SRCAP: variants seen among roughly 807,000 people sequenced by gnomAD.
SRCAP encodes Snf2 related CREBBP activator protein.
In SRCAP, 46 loss-of-function variants were observed where a neutral mutation model predicts 263.1. The ratio of observed to expected loss-of-function variants is 0.17; its 90% CI spans 0.14 to 0.22. SRCAP has a LOEUF of 0.22. Ranked by LOEUF, SRCAP falls within the 10% of genes least tolerant of loss-of-function variation. SRCAP has a pLI of 1.00. For synonymous variants in SRCAP, 1,813 were observed against 1,662.1 expected (o/e 1.09, Z -2.21); for missense variants, 3,695 against 4,181.9 (o/e 0.88, Z 3.21).
rs149539909 is a variant in SRCAP at position 30,729,176 on chromosome 16, C to T, written c.5869C>T (p.Arg1957Trp). The change falls in exon 26 of 34, where the codon CGG (arginine) becomes TGG (tryptophan). Residue 1957 changes from arginine to tryptophan, a missense_variant. Physicochemically the swap from Arg to Trp is moderately radical, Grantham distance 101. Around this residue, in one of 12 missense-constraint regions of SRCAP, gnomAD observed 1,347 missense variants for 1,304.4 expected, o/e 1.03. Transcript: ENST00000262518. The stretch of plus-strand genomic sequence containing the variant: ...TTGGACTTATACCGAGGCTGCCCAC[C>T]GGGCTGTACTGTTTCCCCAGCAGCG... Reference protein sequence around the residue: ...TFWTYTEAAHRAVLFPQQRLD... With the variant: ...TFWTYTEAAHWAVLFPQQRLD... 6.8e-6 allele frequency: 11 copies of T among 1,613,796 alleles called. No homozygotes were observed. The highest frequency in any genetic ancestry group is 3.3e-4 in the Middle Eastern group (2 of 6,062).
At chr16:30,706,497 C>T (rs2052828786) in intron 4 of SRCAP, among the ~76,000 whole-genome samples, 1 of 152,066 alleles carries the variant, frequency 6.6e-6, no homozygotes, top group African/African-American at 2.4e-5. Flanking sequence ...TGAGTCGTCT[C>T]TGTCAAAAAA....
rs1227052351 is a variant in SRCAP at position 30,739,654 on chromosome 16, AGCGCATCCT to A, written c.9620_9628del (p.Ile3207_Arg3209del). ...GTTGGGACCACCAACCAAGGGGACC[AGCGCATCCT>A]GCGCAGCAGCGCCCCTCCCTCCCTG... On this transcript the variant is annotated inframe_deletion, in exon 34 of 34. Coordinates refer to ENST00000262518, the MANE Select transcript of SRCAP (RefSeq NM_006662.3). 6.3e-6 allele frequency: 10 copies of A among 1,587,772 alleles called. No individual in the cohort carries two copies. The highest frequency in any genetic ancestry group is 1.1e-5 in the South Asian group (1 of 88,286).
In SRCAP at chr16:30,740,047, A is replaced by T; in HGVS notation, c.*314A>T. 2 of 250,450 alleles carry T rather than the reference A, an allele frequency of 8.0e-6. No homozygotes were observed. The highest frequency in any genetic ancestry group is 7.5e-6 in the Non-Finnish European group (1 of 133,028). 15.5% of individuals were successfully genotyped at this position (250,450 alleles called of 1,614,324 possible). A position where few individuals can be genotyped will look rare whatever the true frequency, so the allele number is the denominator to read the frequency against. On this transcript the variant is annotated 3_prime_UTR_variant, in exon 34 of 34. Coordinates refer to ENST00000262518, the MANE Select transcript of SRCAP (RefSeq NM_006662.3). ...GCCCCCCACCCTTAGGGGAAGGGGGAGGGGCTTCTCTACAATGAGGTTTTT... is the reference window on the plus strand; with the variant it reads ...GCCCCCCACCCTTAGGGGAAGGGGGTGGGGCTTCTCTACAATGAGGTTTTT...
chr16:30,718,495 A>G (rs1426691943), intron 18 of SRCAP, among the ~76,000 whole-genome samples: 3 of 119,682 alleles, frequency 2.5e-5, no homozygotes, highest in African/African-American at 1.0e-4. Context: ...TTTTTTTAAG[A>G]TGGAGTCTTA....
Position 30,738,267 on chromosome 16 carries a change from G to A in SRCAP, c.8227G>A (p.Gly2743Ser). Residue 2743 changes from glycine (G) to serine (S), a missense_variant, in exon 34 of 34, where the codon GGC (glycine) becomes AGC (serine). Physicochemically the swap from Gly to Ser is moderately conservative, Grantham distance 56. Transcript: ENST00000262518. ...GACTGGTCGGCCAGGACAACCACCA[G>A]GCCCCAAAGTGCTTCGAAAGCTGCC... ...QGTGRPGQPP[G>S]PKVLRKLPGR... is the part of the protein sequence containing the mutation. The A allele has an allele frequency of 6.2e-7, 1 of 1,610,386 alleles. No homozygotes were observed. The highest frequency in any genetic ancestry group is 8.5e-7 in the Non-Finnish European group (1 of 1,177,580).
In SRCAP at chr16:30,739,130, T is replaced by A; in HGVS notation, c.9090T>A (p.Thr3030=). ...TCCCCGTCTTGGACCGTGACAGCAC[T>A]TCTGTTCTCGAGAGCTGTGGATTGG... ...SQLPVLDRDS[T]SVLESCGLGR... The change falls in exon 34 of 34, where the codon ACT becomes ACA. Residue 3030 remains threonine, a synonymous_variant. Coordinates refer to ENST00000262518, the MANE Select transcript of SRCAP (RefSeq NM_006662.3). 6.2e-7 allele frequency: 1 copy of A among 1,614,176 alleles called. No homozygotes were observed. The highest frequency in any genetic ancestry group is 8.5e-7 in the Non-Finnish European group (1 of 1,180,036).
At chr16:30,728,577 A>G (rs2053084155) in intron 25 of SRCAP, among the ~76,000 whole-genome samples, 1 of 152,190 alleles carries the variant, frequency 6.6e-6, no homozygotes, top group Non-Finnish European at 1.5e-5. Flanking sequence ...AGTGATTTGA[A>G]GAAGGCTATA....
chr16:30,712,852 T>C (rs1388112710), intron 14 of SRCAP, 37 bp downstream of exon 14: 2 of 1,607,928 alleles, frequency 1.2e-6, no homozygotes, highest in South Asian at 2.2e-5. Flanking sequence ...CTCCCATTGA[T>C]GCCTCCTTTA....
At position 30,733,271 on chromosome 16, in the gene SRCAP, T is replaced by A. The variant is rs552718284; in HGVS notation, c.6128-9T>A. 7 of 1,613,148 alleles carry A rather than the reference T, an allele frequency of 4.3e-6. No homozygotes were observed. In the East Asian group the frequency reaches 1.3e-4, roughly 31 times the overall value. On this transcript the variant is annotated splice_polypyrimidine_tract_variant and intron_variant, in intron 27 of 33. Coordinates refer to ENST00000262518, the MANE Select transcript of SRCAP (RefSeq NM_006662.3). This position sits in a 1 kb window ranked among gnomAD's most constrained non-coding sequence, Gnocchi z 5.3. ...AGCTAGCTCCCTGTATCCCTTCATA[T>A]CTCTTTAGGAAAGTTGCAGACGTTG...
chr16:30,741,282 T>C lies in SRCAP; in HGVS notation c.*1549T>C, dbSNP rs1205436909. ...TTTTCATGTAAAATGGCTGCTTTGC[T>C]TGAAACGGGTTGCAGTACCTAGGGT... is the stretch of plus-strand genomic sequence containing the variant. On this transcript the variant is annotated 3_prime_UTR_variant, in exon 34 of 34. Transcript: ENST00000262518. 2 of 153,404 alleles carry C rather than the reference T, an allele frequency of 1.3e-5. No homozygotes were observed. Among genetic ancestry groups the C allele is most frequent in the East Asian group, 3.8e-4 (2 of 5,224 alleles). The allele number at this position is 153,404 out of a possible 1,614,324, so 9.5% of individuals were successfully genotyped here.
At position 30,722,684 on chromosome 16, in the gene SRCAP, T is replaced by G; in HGVS notation, c.3828T>G (p.Pro1276=). 1 of 1,613,944 alleles carries G rather than the reference T, an allele frequency of 6.2e-7. No homozygotes were observed. Among genetic ancestry groups the G allele is most frequent in the Non-Finnish European group, 8.5e-7 (1 of 1,179,990 alleles). ...GCCCTACCCCTGTCTCTGTGCTGCC[T>G]TCTTCGACCCCCAGCACCACCCCTG... ...TPGPTPVSVL[P]SSTPSTTPAP... The change falls in exon 23 of 34, where the codon CCT becomes CCG. Residue 1276 remains proline (P), a synonymous_variant. Transcript: ENST00000262518.
At chr16:30,720,642 T>A in intron 19 of SRCAP, 71 bp from the exon 20 acceptor site, 1 of 1,462,166 alleles carries the variant, frequency 6.8e-7, no homozygotes, top group African/African-American at 1.4e-5. Context: ...TTTCATTTTC[T>A]TCTTTTCTTT....
chr16:30,721,583 T>C, intron 21 of SRCAP, 107 bp downstream of exon 21: 1 of 1,424,458 alleles, frequency 7.0e-7, no homozygotes, highest in South Asian at 1.4e-5. Context: ...GGCTCATGCC[T>C]ATAATCCCGG....
chr16:30,720,838 C>A lies in SRCAP; in HGVS notation c.3113C>A (p.Pro1038His), dbSNP rs1327292221. The change falls in exon 20 of 34, where the codon CCT becomes CAT. Residue 1038 changes from proline (P) to histidine (H), a missense_variant. Around this residue, in one of 12 missense-constraint regions of SRCAP, gnomAD observed 1,347 missense variants for 1,304.4 expected, o/e 1.03. Transcript: ENST00000262518. ...CCTGAGCTCTCAGCCCAGCCCACCC[C>A]TGGCCCAGTCCCCCAAGTGCTGCCA... ...PGPELSAQPT[P>H]GPVPQVLPAS... The A allele has an allele frequency of 6.2e-7, 1 of 1,614,058 alleles. No homozygotes were observed. The highest frequency in any genetic ancestry group is 8.5e-7 in the Non-Finnish European group (1 of 1,180,012).
In SRCAP at chr16:30,700,681, G is replaced by A. The variant is rs2052756214; in HGVS notation, c.-144G>A. 2 of 705,704 alleles carry A rather than the reference G, an allele frequency of 2.8e-6. No individual in the cohort carries two copies. Among genetic ancestry groups the A allele is most frequent in the East Asian group, 2.9e-5 (1 of 34,722 alleles). 43.7% of individuals were successfully genotyped at this position (705,704 alleles called of 1,614,324 possible). A position where few individuals can be genotyped will look rare whatever the true frequency, so the allele number is the denominator to read the frequency against. ...CCCTGGTGGGCCCCGGGCCCTGGAA[G>A]GCGGGTCCCGGTGGCCGGTGGCCCA... On this transcript the variant is annotated 5_prime_UTR_variant, in exon 3 of 34. Coordinates refer to ENST00000262518, the MANE Select transcript of SRCAP (RefSeq NM_006662.3).
In SRCAP at chr16:30,720,883, C is replaced by T. The variant is rs1464031204; in HGVS notation, c.3158C>T (p.Ala1053Val). Reference protein sequence around the residue: ...QVLPASLMVSASPAGPPLIPA... With the variant: ...QVLPASLMVSVSPAGPPLIPA... Reference sequence around the variant, plus strand: ...CTGCCAGCATCACTGATGGTTTCAGCCTCACCTGCCGGGCCCCCGCTTATT... The same window carrying T: ...CTGCCAGCATCACTGATGGTTTCAGTCTCACCTGCCGGGCCCCCGCTTATT... The change falls in exon 20 of 34, where the codon GCC becomes GTC. Residue 1053 changes from alanine (A) to valine (V), a missense_variant. Around this residue, in one of 12 missense-constraint regions of SRCAP, gnomAD observed 1,347 missense variants for 1,304.4 expected, o/e 1.03. Coordinates refer to ENST00000262518, the MANE Select transcript of SRCAP (RefSeq NM_006662.3). 2 of 1,614,016 alleles carry T rather than the reference C, an allele frequency of 1.2e-6. No individual in the cohort carries two copies. The highest frequency in any genetic ancestry group is 1.7e-6 in the Non-Finnish European group (2 of 1,180,018).
chr16:30,724,914 C>T lies in SRCAP; in HGVS notation c.5490C>T (p.Ala1830=), dbSNP rs368425935. Residue 1830 remains alanine (A), a synonymous_variant, in exon 25 of 34, where the codon GCC becomes GCT. Transcript: ENST00000262518. ...ASSLVVSASG[A]APLPVTMVSR... is the part of the protein sequence containing the mutation. ...CCCTTGTGGTTTCGGCATCTGGTGC[C>T]GCTCCCTTGCCTGTCACCATGGTAT... 1.1e-5 allele frequency: 17 copies of T among 1,614,180 alleles called. No homozygotes were observed. The East Asian group carries it at 1.1e-4, about 11-fold the overall frequency.
chr16:30,735,899 C>A (rs2053156605), intron 31 of SRCAP, among the ~76,000 whole-genome samples: 1 of 150,722 alleles, frequency 6.6e-6, no homozygotes, highest in Non-Finnish European at 1.5e-5. Flanking sequence ...TTTTTATTCA[C>A]ATCTTTCTGT....
intron 31 of SRCAP, among the ~76,000 whole-genome samples, chr16:30,735,972 A>C (rs1415910263): frequency 2.0e-5 from 3 of 151,530 alleles, no homozygotes; most frequent in Non-Finnish European, 4.4e-5. Flanking sequence ...TACAGCGAGC[A>C]ATCTCAAAAA....
Sources: allele counts gnomAD v4.1 joint callset (sites outside exome capture counted in the v4.1 genomes callset), GRCh38; gene constraint gnomAD v4.1.1; regional missense constraint gnomAD v4.1.1; non-coding constraint Gnocchi (gnomAD v3.1); transcripts MANE v1.5; gene names NCBI Gene and HGNC (gene_info 2026-07-23, HGNC 2026-07-21).